Variants in NLGN1 observed in about 807,000 individuals in gnomAD.
The protein encoded by NLGN1 is neuroligin 1.
A neutral mutation model predicts 65.5 loss-of-function variants in NLGN1; 12 were observed. The observed-to-expected ratio is 0.18, with a 90% CI of 0.12 to 0.30. The LOEUF is 0.30. Among genes scored for constraint, NLGN1 ranks in the 10% least tolerant of loss-of-function variants. The pLI is 1.00. For synonymous variants in NLGN1, 350 were observed against 359.5 expected, an observed-to-expected ratio of 0.97 and a Z score of 0.30; for missense variants, 750 against 1,007.1, an observed-to-expected ratio of 0.74 and a Z score of 3.46.
chr3:174,255,995 G>T (rs1745682196), intron 4 of NLGN1, among the ~76,000 whole-genome samples: 1 of 152,046 alleles, frequency 6.6e-6, no homozygotes, highest in South Asian at 2.1e-4. Context: ...AAATTATAAA[G>T]GAAGTTTTAA....
chr3:173,747,795 C>CTTCTTT (rs1560289220), intron 3 of NLGN1, among the ~76,000 whole-genome samples: 8 of 78,602 alleles, frequency 1.0e-4, no homozygotes, highest in African/African-American at 5.0e-4. Flanking sequence ...TCTTCTTCTT[C>CTTCTTT]TTGTTCTTTT....
At chr3:173,869,452 T>G (rs1370039567) in intron 4 of NLGN1, among the ~76,000 whole-genome samples, 1 of 152,176 alleles carries the variant, frequency 6.6e-6, no homozygotes, top group Non-Finnish European at 1.5e-5. Flanking sequence ...TGGCAAAGGT[T>G]GTTTGGTTTT....
At chr3:173,999,519 T>C (rs995318614) in intron 4 of NLGN1, among the ~76,000 whole-genome samples, 5 of 152,068 alleles carry the variant, frequency 3.3e-5, no homozygotes, top group Non-Finnish European at 5.9e-5. Context: ...AATGGGAAAA[T>C]TGCTGAGACT....
chr3:173,592,204 A>G (rs1748615257), intron 2 of NLGN1, among the ~76,000 whole-genome samples: 2 of 152,306 alleles, frequency 1.3e-5, no homozygotes, highest in Non-Finnish European at 2.9e-5. Flanking sequence ...TACACCTGAA[A>G]ATAGTTTCAG....
At chr3:173,548,493 T>A (rs1268756937) in intron 2 of NLGN1, among the ~76,000 whole-genome samples, 1 of 151,898 alleles carries the variant, frequency 6.6e-6, no homozygotes, top group East Asian at 1.9e-4. Context: ...ATTTTTTTTT[T>A]TTTTGTAGAT....
intron 3 of NLGN1, among the ~76,000 whole-genome samples, chr3:173,750,266 C>A (rs539300956): frequency 1.3e-5 from 2 of 152,042 alleles, no homozygotes; most frequent in African/African-American, 4.8e-5. Flanking sequence ...GTTGTCCAGG[C>A]TATGTGACTG....
rs137919061 is a variant in NLGN1 at position 173,402,095 on chromosome 3, T to A, written c.-390+3608T>A. On this transcript the variant is annotated intron_variant, in intron 1 of 6. Coordinates refer to ENST00000457714, the Ensembl canonical transcript of NLGN1. ...GAAATAAAAATGCAGCTCTATTGTT[T>A]CAATATTTCTTTCTAATGCTTGTAT... 2.1e-4 allele frequency among the ~76,000 whole-genome samples: 32 copies of A among 152,284 alleles called. No individual in the cohort carries two copies. In the East Asian group the frequency reaches 6.0e-3, roughly 28 times the overall value.
chr3:173,895,965 C>T (rs1291275791), intron 4 of NLGN1, among the ~76,000 whole-genome samples: 2 of 152,284 alleles, frequency 1.3e-5, no homozygotes, highest in South Asian at 4.1e-4. Flanking sequence ...GCTGAGATTA[C>T]AGGCATGAGG....
At position 174,041,911 on chromosome 3, in the gene NLGN1, G is replaced by T. The variant is rs377424744; in HGVS notation, c.647-233404G>T. 3.9e-5 allele frequency among the ~76,000 whole-genome samples: 6 copies of T among 152,192 alleles called. No individual in the cohort carries two copies. In the East Asian group the frequency reaches 7.7e-4, roughly 20 times the overall value. On this transcript the variant is annotated intron_variant, in intron 4 of 6. Transcript: ENST00000457714. ...TCTGCTAAAAATACAAAAATTACCT[G>T]GGTGTGTTGGCAGGTGCCTGTAATT...
At chr3:173,525,323 A>AT (rs1735461848) in intron 2 of NLGN1, among the ~76,000 whole-genome samples, 1 of 151,086 alleles carries the variant, frequency 6.6e-6, no homozygotes, top group Non-Finnish European at 1.5e-5. Context: ...CAGGATTTCT[A>AT]TTTTTTTCTT....
At chr3:173,721,273 T>A (rs1364351690) in intron 3 of NLGN1, among the ~76,000 whole-genome samples, 1 of 152,242 alleles carries the variant, frequency 6.6e-6, no homozygotes, top group Non-Finnish European at 1.5e-5. Context: ...CTCACCGAGG[T>A]GACCTTGTGT....
intron 3 of NLGN1, among the ~76,000 whole-genome samples, chr3:173,653,482 A>AT (rs1197994469): frequency 8.7e-4 from 133 of 152,208 alleles, no homozygotes; most frequent in African/African-American, 3.1e-3. Context: ...CTTTTTCTGA[A>AT]TTTATTGAGA....
chr3:173,737,930 G>A (rs114306134), intron 3 of NLGN1, among the ~76,000 whole-genome samples: 222 of 152,032 alleles, frequency 1.5e-3, no homozygotes, highest in African/African-American at 5.2e-3. Context: ...TTATCTGTCT[G>A]TTTTATTATG....
chr3:174,194,650 A>T (rs549990243), intron 4 of NLGN1, among the ~76,000 whole-genome samples: 1 of 151,686 alleles, frequency 6.6e-6, no homozygotes, highest in African/African-American at 2.4e-5. Context: ...AAAGCAAAAA[A>T]ATGAGGATAT....
intron 2 of NLGN1, among the ~76,000 whole-genome samples, chr3:173,563,803 T>C (rs1743185263): frequency 6.6e-6 from 1 of 152,216 alleles, no homozygotes; most frequent in Non-Finnish European, 1.5e-5. Flanking sequence ...CGTCGGCATC[T>C]TCCATTTGGA....
intron 3 of NLGN1, among the ~76,000 whole-genome samples, chr3:173,670,612 C>G (rs766925117): frequency 6.6e-6 from 1 of 152,000 alleles, no homozygotes; most frequent in Non-Finnish European, 1.5e-5. Flanking sequence ...AATGTCAGTA[C>G]TGAAGGTATA....
intron 4 of NLGN1, among the ~76,000 whole-genome samples, chr3:174,159,523 A>G (rs1246577932): frequency 6.6e-6 from 1 of 151,806 alleles, no homozygotes; most frequent in Non-Finnish European, 1.5e-5. Flanking sequence ...ATCAGGATCT[A>G]GTAAATAGGT....
intron 4 of NLGN1, among the ~76,000 whole-genome samples, chr3:173,864,356 C>G (rs1324358148): frequency 1.3e-5 from 2 of 152,164 alleles, no homozygotes; most frequent in African/African-American, 4.8e-5. Context: ...AGAATGTGAT[C>G]TTCCATTGTC....
chr3:173,664,796 T>A (rs1166097698), intron 3 of NLGN1, among the ~76,000 whole-genome samples: 1 of 152,144 alleles, frequency 6.6e-6, no homozygotes, highest in Non-Finnish European at 1.5e-5. Context: ...GCTCTGAGTT[T>A]GAATCCAGAT....
Sources: allele counts gnomAD v4.1 joint callset (sites outside exome capture counted in the v4.1 genomes callset), GRCh38; gene constraint gnomAD v4.1.1; transcripts MANE v1.5; gene names NCBI Gene and HGNC (gene_info 2026-07-23, HGNC 2026-07-21).